Variants in SLC71A2 observed in about 807,000 individuals in gnomAD.
SLC71A2 encodes hippocampus abundant transcript-like 1.
the SLC71A2 span, among the ~76,000 whole-genome samples, chr9:94,404,156 A>T: frequency 6.6e-6 from 1 of 152,216 alleles, no homozygotes; most frequent in Non-Finnish European, 1.5e-5. Context: ...TTTATAAACT[A>T]CCCAGTCTCA....
the SLC71A2 span, chr9:94,415,223 G>T: frequency 6.2e-7 from 1 of 1,613,744 alleles, no homozygotes; most frequent in Non-Finnish European, 8.5e-7. Context: ...AATTCTTTGC[G>T]TGGGGCCTGT....
At chr9:94,455,848 G>A in the SLC71A2 span, among the ~76,000 whole-genome samples, 1 of 152,188 alleles carries the variant, frequency 6.6e-6, no homozygotes, top group Non-Finnish European at 1.5e-5. Flanking sequence ...CAGTGTGAAA[G>A]TGAGCCTTCA....
chr9:94,394,524 T>G, the SLC71A2 span, among the ~76,000 whole-genome samples: 2 of 83,880 alleles, frequency 2.4e-5, 1 homozygote, highest in Non-Finnish European at 6.6e-5. Context: ...TTCGGCTCAC[T>G]GCAGTCTCCA....
At chr9:94,400,441 T>TATAA in the SLC71A2 span, among the ~76,000 whole-genome samples, 1 of 151,658 alleles carries the variant, frequency 6.6e-6, no homozygotes. Flanking sequence ...GACCTGTACA[T>TATAA]ATAATTTCTA....
At chr9:94,440,388 C>T in the SLC71A2 span, among the ~76,000 whole-genome samples, 3 of 151,962 alleles carry the variant, frequency 2.0e-5, no homozygotes, top group East Asian at 1.9e-4. Flanking sequence ...CTCCTGACCT[C>T]GTGATCCGCC....
At chr9:94,440,874 C>G in the SLC71A2 span, 1 of 592,652 alleles carries the variant, frequency 1.7e-6, no homozygotes, top group East Asian at 2.9e-5. Context: ...CATACATATA[C>G]AAGTATACTT....
At chr9:94,447,924 T>C in the SLC71A2 span, among the ~76,000 whole-genome samples, 1 of 152,172 alleles carries the variant, frequency 6.6e-6, no homozygotes, top group Non-Finnish European at 1.5e-5. Flanking sequence ...CCTTTTCAGA[T>C]TGGTTTCTTT....
the SLC71A2 span, among the ~76,000 whole-genome samples, chr9:94,402,793 T>C: frequency 1.3e-5 from 2 of 152,216 alleles, no homozygotes; most frequent in Non-Finnish European, 2.9e-5. Flanking sequence ...CCAAGTTCAC[T>C]TATATTTTCT....
At chr9:94,386,786 C>T in the SLC71A2 span, among the ~76,000 whole-genome samples, 1 of 152,118 alleles carries the variant, frequency 6.6e-6, no homozygotes, top group African/African-American at 2.4e-5. Flanking sequence ...GATCTCTGTC[C>T]TTTATTGCCT....
the SLC71A2 span, among the ~76,000 whole-genome samples, chr9:94,456,056 G>A: frequency 2.0e-5 from 3 of 151,876 alleles, 1 homozygote; most frequent in Admixed American, 1.3e-4. Flanking sequence ...TAGGCCATTC[G>A]TTTCCTCCAG....
At chr9:94,392,322 C>T in the SLC71A2 span, among the ~76,000 whole-genome samples, 5 of 150,594 alleles carry the variant, frequency 3.3e-5, no homozygotes, top group African/African-American at 1.2e-4. Context: ...CTATTTTCAG[C>T]ATTCAGACTA....
At chr9:94,455,630 CTT>C in the SLC71A2 span, among the ~76,000 whole-genome samples, 2 of 152,126 alleles carry the variant, frequency 1.3e-5, no homozygotes, top group Non-Finnish European at 1.5e-5. Context: ...GTTAAAAAGA[CTT>C]TGTCATCATG....
At chr9:94,424,727 C>CTTTTTTTTTTTTTTTTTTTT in the SLC71A2 span, among the ~76,000 whole-genome samples, 1 of 91,818 alleles carries the variant, frequency 1.1e-5, no homozygotes, top group Non-Finnish European at 2.0e-5. Context: ...TTGTTTTCTG[C>CTTTTTTTTTTTTTTTTTTTT]TTTTTTTTTT....
the SLC71A2 span, chr9:94,444,950 G>C: frequency 6.2e-7 from 1 of 1,612,028 alleles, no homozygotes; most frequent in African/African-American, 1.3e-5. Context: ...GGGTGAGAGT[G>C]TGCTTTCCCA....
the SLC71A2 span, among the ~76,000 whole-genome samples, chr9:94,423,677 G>A: frequency 6.6e-6 from 1 of 151,978 alleles, no homozygotes; most frequent in African/African-American, 2.4e-5. Context: ...TAACTCTTAT[G>A]AAATATAGAG....
chr9:94,377,533 C>CTT, the SLC71A2 span, among the ~76,000 whole-genome samples: 3,615 of 107,592 alleles, frequency 0.034, 114 homozygotes, highest in African/African-American at 0.087. Flanking sequence ...CCATGCCTGG[C>CTT]TTTTTTTTTT....
chr9:94,414,686 G>A, the SLC71A2 span, among the ~76,000 whole-genome samples: 705 of 152,214 alleles, frequency 4.6e-3, 2 homozygotes, highest in Middle Eastern at 6.8e-3. Context: ...TCAAGATAGA[G>A]TCTTGCTATG....
At chr9:94,380,380 A>G in the SLC71A2 span, among the ~76,000 whole-genome samples, 2 of 146,644 alleles carry the variant, frequency 1.4e-5, no homozygotes, top group African/African-American at 5.1e-5. Flanking sequence ...TGGTTATGAA[A>G]TCTTAGATAT....
At chr9:94,422,008 GT>G in the SLC71A2 span, among the ~76,000 whole-genome samples, 1 of 152,100 alleles carries the variant, frequency 6.6e-6, no homozygotes, top group African/African-American at 2.4e-5. Flanking sequence ...CGCCTCCTGG[GT>G]TCAAGTGATT....
Sources: allele counts gnomAD v4.1 joint callset (sites outside exome capture counted in the v4.1 genomes callset), GRCh38; gene constraint gnomAD v4.1.1; transcripts MANE v1.5; gene names NCBI Gene and HGNC (gene_info 2026-07-23, HGNC 2026-07-21).